Variants in FAM13A observed in about 807,000 individuals in gnomAD.
FAM13A encodes the protein protein FAM13A.
In FAM13A, 76 loss-of-function variants were observed where a neutral mutation model predicts 129.6. The observed-to-expected ratio is 0.59, with a 90% CI of 0.49 to 0.71. The LOEUF is 0.71. Among genes scored for constraint, FAM13A ranks in the 30% least tolerant of loss-of-function variants. The pLI is 0.00. For synonymous variants in FAM13A, 443 were observed against 449.9 expected, an observed-to-expected ratio of 0.98 and a Z score of 0.20; for missense variants, 1,108 against 1,249.3, an observed-to-expected ratio of 0.89 and a Z score of 1.70.
chr4:88,838,596 G>A (rs144364641), intron 7 of FAM13A, among the ~76,000 whole-genome samples: 10,596 of 151,958 alleles, frequency 0.07, 513 homozygotes, highest in African/African-American at 0.14. Context: ...GCGTGGTGGC[G>A]GGCGCCTGTA....
At chr4:88,928,249 C>T (rs533306524) in intron 5 of FAM13A, among the ~76,000 whole-genome samples, 5 of 151,906 alleles carry the variant, frequency 3.3e-5, no homozygotes, top group Non-Finnish European at 7.4e-5. Context: ...GTTTTGTGGC[C>T]CAACCATGTG....
chr4:89,000,611 G>A (rs959135514), intron 3 of FAM13A, among the ~76,000 whole-genome samples: 2 of 152,112 alleles, frequency 1.3e-5, no homozygotes, highest in Non-Finnish European at 2.9e-5. Context: ...TAATGGTGAT[G>A]GTTGCACTTT....
At chr4:88,981,331 C>T (rs1761642945) in intron 4 of FAM13A, among the ~76,000 whole-genome samples, 1 of 151,998 alleles carries the variant, frequency 6.6e-6, no homozygotes, top group South Asian at 2.1e-4. Flanking sequence ...AACAAAAAAC[C>T]CAGAACCAAA....
intron 14 of FAM13A, among the ~76,000 whole-genome samples, chr4:88,755,912 C>G (rs1278897401): frequency 6.6e-6 from 1 of 152,220 alleles, no homozygotes; most frequent in Non-Finnish European, 1.5e-5. Flanking sequence ...GCCGGAGTCC[C>G]TTAAGTAGTA....
intron 6 of FAM13A, among the ~76,000 whole-genome samples, chr4:88,901,285 A>C (rs1396411508): frequency 6.6e-6 from 1 of 152,178 alleles, no homozygotes; most frequent in African/African-American, 2.4e-5. Flanking sequence ...GTTCTGGATC[A>C]AGCAGACCTG....
intron 8 of FAM13A, among the ~76,000 whole-genome samples, chr4:88,791,144 T>C (rs1305176300): frequency 6.6e-6 from 1 of 152,152 alleles, no homozygotes; most frequent in Non-Finnish European, 1.5e-5. Context: ...GTTTTCTATA[T>C]GACTATTTCT....
At chr4:88,932,646 G>T (rs549163216) in intron 5 of FAM13A, among the ~76,000 whole-genome samples, 1 of 152,268 alleles carries the variant, frequency 6.6e-6, no homozygotes, top group African/African-American at 2.4e-5. Context: ...TATGGGAAAT[G>T]GTTTAGGAAG....
At chr4:88,891,760 A>C (rs1745363373) in intron 6 of FAM13A, among the ~76,000 whole-genome samples, 1 of 152,252 alleles carries the variant, frequency 6.6e-6, no homozygotes, top group Non-Finnish European at 1.5e-5. Flanking sequence ...TAACTCATTT[A>C]AGACAAAAAC....
intron 5 of FAM13A, among the ~76,000 whole-genome samples, chr4:88,921,519 C>T (rs1751086441): frequency 6.6e-6 from 1 of 152,074 alleles, no homozygotes; most frequent in African/African-American, 2.4e-5. Context: ...TTTGTCACCA[C>T]CAGGCCTACC....
At position 88,962,828 on chromosome 4, in the gene FAM13A, C is replaced by T. The variant is rs7671167; in HGVS notation, c.606-24587G>A. On this transcript the variant is annotated intron_variant, in intron 4 of 23. Transcript: ENST00000264344. ...CATTAAGAAAGAATTAGGTAAATTC[C>T]AAAACATAAGGGAATACTATGACAA... 0.52 allele frequency among the ~76,000 whole-genome samples: 79,725 copies of T among 151,860 alleles called. 20,944 individuals carry two copies. The highest frequency in any genetic ancestry group is 0.6 in the African/African-American group (24,724 of 41,396).
chr4:88,897,070 T>C (rs1208870056), intron 6 of FAM13A, among the ~76,000 whole-genome samples: 2 of 152,196 alleles, frequency 1.3e-5, no homozygotes, highest in Non-Finnish European at 2.9e-5. Context: ...GGTTTATATA[T>C]TGAGCAAAGT....
At chr4:88,886,815 G>A (rs1744497658) in intron 6 of FAM13A, among the ~76,000 whole-genome samples, 2 of 151,688 alleles carry the variant, frequency 1.3e-5, no homozygotes, top group Non-Finnish European at 2.9e-5. Context: ...GCTGAAGCAC[G>A]AGAATCACTT....
chr4:88,884,902 T>A (rs1469945592), intron 6 of FAM13A, among the ~76,000 whole-genome samples: 2 of 152,030 alleles, frequency 1.3e-5, no homozygotes, highest in African/African-American at 4.8e-5. Flanking sequence ...TTAGAATAGC[T>A]GTAAAAAAAT....
chr4:88,944,828 A>G (rs1373442115), intron 4 of FAM13A, among the ~76,000 whole-genome samples: 1 of 151,942 alleles, frequency 6.6e-6, no homozygotes, highest in Non-Finnish European at 1.5e-5. Context: ...GCTTGAACCC[A>G]GAAGGCAGAG....
At chr4:88,941,069 C>T (rs1484044231) in intron 4 of FAM13A, among the ~76,000 whole-genome samples, 1 of 152,086 alleles carries the variant, frequency 6.6e-6, no homozygotes, top group Non-Finnish European at 1.5e-5. Context: ...AGGGCAGAAC[C>T]AAGAATCTAG....
chr4:88,787,892 G>A lies in FAM13A; in HGVS notation c.1132C>T (p.Leu378Phe), dbSNP rs1416447770. 6.2e-7 allele frequency: 1 copy of A among 1,613,440 alleles called. No homozygotes were observed. Among genetic ancestry groups the A allele is most frequent in the Non-Finnish European group, 8.5e-7 (1 of 1,179,622 alleles). ...CCTCCAGAGTTATTAACATCAAAAA[G>A]ATGTTGTTCTACAGCTGATCGGATG... ...RTIRSAVEQH[L>F]FDVNNSGGQS... is the part of the protein sequence containing the mutation. Residue 378 changes from leucine (L) to phenylalanine (F), a missense_variant, in exon 10 of 24, where the codon CTT (leucine) becomes TTT (phenylalanine). Transcript: ENST00000264344.
chr4:88,841,967 A>G (rs1234159773), intron 7 of FAM13A, among the ~76,000 whole-genome samples: 1 of 152,202 alleles, frequency 6.6e-6, no homozygotes, highest in African/African-American at 2.4e-5. Flanking sequence ...TCATCCTAGC[A>G]TTATTCATAA....
chr4:89,020,376 C>T, intron 3 of FAM13A, 84 bp downstream of exon 3: 1 of 990,970 alleles, frequency 1.0e-6, no homozygotes, highest in Non-Finnish European at 1.5e-6. Context: ...CTCAGCCTCC[C>T]AAAGTGTTGG....
intron 23 of FAM13A, among the ~76,000 whole-genome samples, chr4:88,730,590 C>T (rs994639997): frequency 2.0e-5 from 3 of 152,124 alleles, no homozygotes; most frequent in Admixed American, 6.5e-5. Flanking sequence ...TGGGGTTTCA[C>T]CATGTTGGTC....
Sources: gnomAD v4.1 joint callset for allele counts (sites outside exome capture counted in the v4.1 genomes callset) on GRCh38, gnomAD v4.1.1 for gene constraint, MANE v1.5 for transcripts, NCBI Gene and HGNC (gene_info 2026-07-23, HGNC 2026-07-21) for gene names.